PDE1C: variants seen among roughly 807,000 people sequenced by gnomAD.
PDE1C encodes phosphodiesterase 1C.
PDE1C carries 62 observed loss-of-function variants against 93.1 expected under a neutral mutation model. The observed-to-expected ratio is 0.67, with a 90% confidence interval of 0.54 to 0.82. PDE1C has a LOEUF of 0.82. PDE1C is among the 40% of genes least tolerant of loss of function. The pLI is 0.00. For synonymous variants in PDE1C, 325 were observed against 310.1 expected (o/e 1.05, Z -0.50); for missense variants, 742 against 884.6 (o/e 0.84, Z 2.04).
intron 1 of PDE1C, among the ~76,000 whole-genome samples, chr7:32,339,273 A>G (rs1239845164): frequency 6.6e-6 from 1 of 152,222 alleles, no homozygotes; most frequent in Non-Finnish European, 1.5e-5. Flanking sequence ...TAATAGGACA[A>G]ATACTGTATT....
intron 5 of PDE1C, among the ~76,000 whole-genome samples, chr7:31,875,795 A>ATC (rs1796482308): frequency 4.8e-5 from 2 of 41,564 alleles, no homozygotes; most frequent in East Asian, 1.7e-3. Flanking sequence ...GCTTACATCT[A>ATC]TATATATATA....
chr7:31,844,098 C>T (rs12539291), intron 9 of PDE1C, among the ~76,000 whole-genome samples: 121,105 of 151,686 alleles, frequency 0.8, 48,555 homozygotes, highest in East Asian at 0.96. Flanking sequence ...ATTTTTGCTT[C>T]AAATGGTCAA....
rs967575822 is a variant in PDE1C at position 31,950,202 on chromosome 7, C to T, written c.129-69342G>A. Among the ~76,000 whole-genome samples, 5 of 152,256 alleles carry T rather than the reference C, an allele frequency of 3.3e-5. No individual in the cohort carries two copies. In the East Asian group the frequency reaches 7.7e-4, roughly 24 times the overall value. On this transcript the variant is annotated intron_variant, in intron 2 of 17. Coordinates refer to ENST00000396191, the MANE Select transcript of PDE1C (RefSeq NM_001191057.4). ...TTTGAATATTTATCAAAACTCTTTA[C>T]GTGGCAGGCACTGTGCTCAGTGGGC...
At chr7:32,274,101 C>G (rs891887644) in intron 1 of PDE1C, among the ~76,000 whole-genome samples, 3 of 152,086 alleles carry the variant, frequency 2.0e-5, no homozygotes, top group African/African-American at 2.4e-5. Flanking sequence ...TTAGAAACAT[C>G]TAGTATAACC....
intron 2 of PDE1C, among the ~76,000 whole-genome samples, chr7:32,011,738 A>G (rs1584446388): frequency 6.6e-6 from 1 of 152,316 alleles, no homozygotes. Flanking sequence ...GGAATGTAAA[A>G]TGGTACAACT....
At chr7:31,918,978 T>C (rs2128954923) in intron 2 of PDE1C, among the ~76,000 whole-genome samples, 1 of 152,330 alleles carries the variant, frequency 6.6e-6, no homozygotes, top group Middle Eastern at 3.4e-3. Flanking sequence ...GTTTCTTCAT[T>C]GCCATGGATC....
intron 11 of PDE1C, among the ~76,000 whole-genome samples, chr7:31,832,571 T>A (rs1043894051): frequency 1.1e-4 from 16 of 152,202 alleles, no homozygotes; most frequent in East Asian, 7.7e-4. Context: ...TTGTCCAATT[T>A]AAAAATCTAT....
At chr7:32,240,264 G>A (rs1232652613) in intron 1 of PDE1C, among the ~76,000 whole-genome samples, 3 of 152,284 alleles carry the variant, frequency 2.0e-5, no homozygotes, top group African/African-American at 4.8e-5. Context: ...TTATGGTAAT[G>A]AATGATTATC....
chr7:31,836,717 T>C (rs1791160187), intron 11 of PDE1C, among the ~76,000 whole-genome samples: 1 of 152,164 alleles, frequency 6.6e-6, no homozygotes, highest in Admixed American at 6.5e-5. Flanking sequence ...CAGTTTCTAG[T>C]GATTTCCTGA....
intron 1 of PDE1C, among the ~76,000 whole-genome samples, chr7:32,224,327 C>T (rs1436550005): frequency 6.6e-5 from 10 of 151,872 alleles, no homozygotes; most frequent in Admixed American, 5.2e-4. Context: ...GAGCTGAGAT[C>T]GCACCACTGT....
At chr7:32,359,818 T>C (rs948576864) in intron 1 of PDE1C, among the ~76,000 whole-genome samples, 10 of 152,128 alleles carry the variant, frequency 6.6e-5, no homozygotes, top group Non-Finnish European at 1.3e-4. Context: ...CTCATGCAGT[T>C]CCTCCACCTG....
intron 14 of PDE1C, among the ~76,000 whole-genome samples, chr7:31,816,809 A>G (rs1219197907): frequency 6.6e-6 from 1 of 152,188 alleles, no homozygotes; most frequent in Non-Finnish European, 1.5e-5. Flanking sequence ...AACTGTCCAC[A>G]AGATGAGAGG....
At chr7:32,168,487 C>A (rs1265165778) in intron 3 of PDE1C, among the ~76,000 whole-genome samples, 1 of 152,114 alleles carries the variant, frequency 6.6e-6, no homozygotes, top group East Asian at 1.9e-4. Context: ...TTATAAGAAA[C>A]CTTAGGAGAA....
chr7:32,115,051 C>T (rs1024242639), intron 3 of PDE1C, among the ~76,000 whole-genome samples: 8 of 152,050 alleles, frequency 5.3e-5, no homozygotes, highest in Admixed American at 1.3e-4. Flanking sequence ...TGGAAGACAG[C>T]GTGGTGATTC....
At chr7:31,618,661 ATAGTT>A in the PDE1C span, among the ~76,000 whole-genome samples, 1 of 140,418 alleles carries the variant, frequency 7.1e-6, no homozygotes, top group Non-Finnish European at 1.5e-5. Flanking sequence ...ACCCATAATT[ATAGTT>A]GAGTATTAGG....
At chr7:31,758,757 AAATTGCCTAGG>A (rs1266506302) in intron 17 of PDE1C, among the ~76,000 whole-genome samples, 5 of 152,348 alleles carry the variant, frequency 3.3e-5, no homozygotes, top group African/African-American at 9.6e-5. Flanking sequence ...TTATGGCATC[AAATTGCCTAGG>A]AACAAACATA....
chr7:32,104,123 G>A (rs1056197925), intron 3 of PDE1C, among the ~76,000 whole-genome samples: 1 of 152,076 alleles, frequency 6.6e-6, no homozygotes, highest in African/African-American at 2.4e-5. Context: ...ATTATCAGAG[G>A]AATAGTGCAG....
chr7:32,006,071 T>C (rs1184938877), intron 2 of PDE1C, among the ~76,000 whole-genome samples: 1 of 152,348 alleles, frequency 6.6e-6, no homozygotes, highest in South Asian at 2.1e-4. Flanking sequence ...AATAAGTCTA[T>C]TGTTCCTTTC....
chr7:31,859,194 T>C (rs1402112178), intron 7 of PDE1C, among the ~76,000 whole-genome samples: 2 of 149,620 alleles, frequency 1.3e-5, no homozygotes, highest in African/African-American at 4.9e-5. Context: ...TTATTGACTA[T>C]ATATAGACTA....
Sources: allele counts gnomAD v4.1 joint callset (sites outside exome capture counted in the v4.1 genomes callset), GRCh38; gene constraint gnomAD v4.1.1; transcripts MANE v1.5; gene names NCBI Gene and HGNC (gene_info 2026-07-23, HGNC 2026-07-21).